Variants in AFG1L observed in about 807,000 individuals in gnomAD.
The protein encoded by AFG1L is AFG1 like ATPase.
AFG1L carries 53 observed loss-of-function variants against 62.2 expected under a neutral mutation model. That is an observed-to-expected ratio of 0.85 (90% confidence interval 0.68 to 1.07). AFG1L has a LOEUF of 1.07. Among genes scored for constraint, AFG1L ranks in the 50% least tolerant of loss-of-function variants. AFG1L has a pLI of 0.00. For missense variants in AFG1L, 555 were observed against 590.5 expected, an observed-to-expected ratio of 0.94 and a Z score of 0.62; for synonymous variants, 228 against 210.3, an observed-to-expected ratio of 1.08 and a Z score of -0.73.
At chr6:108,433,474 G>C (rs1771171228) in intron 7 of AFG1L, among the ~76,000 whole-genome samples, 1 of 151,624 alleles carries the variant, frequency 6.6e-6, no homozygotes, top group African/African-American at 2.4e-5. Flanking sequence ...TGGTAGAGAC[G>C]GGATTTCACT....
intron 7 of AFG1L, among the ~76,000 whole-genome samples, chr6:108,419,419 C>T (rs968167635): frequency 6.6e-6 from 1 of 150,824 alleles, no homozygotes; most frequent in African/African-American, 2.5e-5. Flanking sequence ...AAATAACCAA[C>T]AAGGCATTCT....
intron 3 of AFG1L, 107 bp downstream of exon 3, chr6:108,347,146 T>C (rs1389917656): frequency 7.3e-6 from 7 of 954,816 alleles, no homozygotes; most frequent in Non-Finnish European, 1.0e-5. Context: ...AGCAAGGGAA[T>C]AGGATGAGGC....
rs1032452363 is a variant in AFG1L, at chr6:108,524,274, T to C, written c.*1849T>C. ...CTTAGCTTTTTACTTTTCACATTCC[T>C]TTGGTAATTATTCTGTATCTTAATT... is the stretch of plus-strand genomic sequence containing the variant. On this transcript the variant is annotated 3_prime_UTR_variant, in exon 13 of 13. Coordinates refer to ENST00000368977, the MANE Select transcript of AFG1L (RefSeq NM_145315.5). 2.6e-5 allele frequency: 4 copies of C among 152,220 alleles called. No homozygotes were observed. The highest frequency in any genetic ancestry group is 9.6e-5 in the African/African-American group (4 of 41,456). 9.4% of individuals were successfully genotyped at this position (152,220 alleles called of 1,614,324 possible).
chr6:108,364,243 A>G (rs1779663765), intron 5 of AFG1L, among the ~76,000 whole-genome samples: 1 of 152,174 alleles, frequency 6.6e-6, no homozygotes, highest in Admixed American at 6.6e-5. Flanking sequence ...AAGTGCGGGG[A>G]CAAGATCAAA....
chr6:108,445,612 A>G (rs1037420386), intron 7 of AFG1L, among the ~76,000 whole-genome samples: 5 of 148,936 alleles, frequency 3.4e-5, no homozygotes, highest in Non-Finnish European at 7.4e-5. Flanking sequence ...CTTGTTTCTC[A>G]GAGCATAGGG....
chr6:108,417,283 C>G (rs934244779), intron 7 of AFG1L, among the ~76,000 whole-genome samples: 5 of 122,390 alleles, frequency 4.1e-5, no homozygotes, highest in Non-Finnish European at 8.6e-5. Flanking sequence ...CACACACACA[C>G]ACACAAAAAA....
intron 7 of AFG1L, among the ~76,000 whole-genome samples, chr6:108,412,047 A>C (rs915642805): frequency 3.9e-5 from 6 of 152,222 alleles, no homozygotes; most frequent in Non-Finnish European, 8.8e-5. Flanking sequence ...TAACTAGAAA[A>C]AACAGTTCAG....
intron 10 of AFG1L, among the ~76,000 whole-genome samples, chr6:108,479,870 C>T (rs192470750): frequency 1.3e-5 from 2 of 152,236 alleles, no homozygotes; most frequent in Admixed American, 6.5e-5. Flanking sequence ...CTTGCCCAGT[C>T]ACCTGATACC....
intron 7 of AFG1L, among the ~76,000 whole-genome samples, chr6:108,446,051 T>TACACACACAC (rs67384163): frequency 1.4e-3 from 204 of 141,880 alleles, no homozygotes; most frequent in African/African-American, 5.0e-3. Flanking sequence ...TATGTAGAGA[T>TACACACACAC]ACACACACAC....
chr6:108,403,630 A>G (rs1781725665), intron 7 of AFG1L, among the ~76,000 whole-genome samples: 1 of 152,168 alleles, frequency 6.6e-6, no homozygotes, highest in South Asian at 2.1e-4. Context: ...ATCCAAAGTA[A>G]TATGGTATAC....
At chr6:108,507,210 A>G (rs888669924) in intron 10 of AFG1L, among the ~76,000 whole-genome samples, 1 of 152,148 alleles carries the variant, frequency 6.6e-6, no homozygotes, top group South Asian at 2.1e-4. Context: ...CATAAAATTG[A>G]CCATTTTAAC....
intron 10 of AFG1L, among the ~76,000 whole-genome samples, chr6:108,508,661 A>T (rs1341904326): frequency 6.6e-6 from 1 of 152,074 alleles, no homozygotes; most frequent in Non-Finnish European, 1.5e-5. Context: ...AACTCTCTGG[A>T]TTTACTTGTA....
intron 7 of AFG1L, among the ~76,000 whole-genome samples, chr6:108,439,700 G>C (rs1174425619): frequency 6.6e-6 from 1 of 152,136 alleles, no homozygotes; most frequent in Non-Finnish European, 1.5e-5. Flanking sequence ...CCTGTATTAA[G>C]TTATACTTAA....
At chr6:108,510,391 G>T (rs371929360) in intron 11 of AFG1L, 39 bp downstream of exon 11, 4 of 1,514,200 alleles carry the variant, frequency 2.6e-6, no homozygotes, top group East Asian at 2.4e-5. Context: ...TAAACACTTT[G>T]TATTGTGAAG....
intron 1 of AFG1L, among the ~76,000 whole-genome samples, chr6:108,322,628 T>C (rs1043028093): frequency 6.6e-6 from 1 of 152,110 alleles, no homozygotes; most frequent in African/African-American, 2.4e-5. Flanking sequence ...ATTCATGATA[T>C]ATTTAAGGAC....
intron 8 of AFG1L, among the ~76,000 whole-genome samples, chr6:108,453,384 C>G (rs1772132784): frequency 6.6e-6 from 1 of 152,168 alleles, no homozygotes; most frequent in African/African-American, 2.4e-5. Context: ...TTTTATGTCT[C>G]AAGCACTCTT....
In AFG1L at chr6:108,302,880, A is replaced by C. The variant is rs368229396; in HGVS notation, c.139+7662A>C. On this transcript the variant is annotated intron_variant, in intron 1 of 12. Transcript: ENST00000368977. The stretch of plus-strand genomic sequence containing the variant: ...GGTAGAGAGAAACAATTATGCTCCA[A>C]ATTTTGTTTATAGGAGTATACTTTG... Among the ~76,000 whole-genome samples the C allele has an allele frequency of 2.4e-4, 37 of 152,302 alleles. No homozygotes were observed. The South Asian group carries it at 7.7e-3, about 32-fold the overall frequency.
chr6:108,365,495 T>G (rs1238918662), intron 5 of AFG1L, among the ~76,000 whole-genome samples: 1 of 150,142 alleles, frequency 6.7e-6, no homozygotes, highest in East Asian at 1.9e-4. Context: ...TTTTTTTGTT[T>G]TTTTTTTTTT....
intron 1 of AFG1L, among the ~76,000 whole-genome samples, chr6:108,299,143 C>T (rs1776882901): frequency 6.6e-6 from 1 of 152,016 alleles, no homozygotes; most frequent in South Asian, 2.1e-4. Context: ...TGCCTGTAAT[C>T]CCAGCTACTT....
Sources: allele counts gnomAD v4.1 joint callset (sites outside exome capture counted in the v4.1 genomes callset), GRCh38; gene constraint gnomAD v4.1.1; transcripts MANE v1.5; gene names NCBI Gene and HGNC (gene_info 2026-07-23, HGNC 2026-07-21).